Variants in AK6 observed in about 807,000 individuals in gnomAD.
AK6 encodes the protein adenylate kinase 6.
AK6 carries 24 observed loss-of-function variants against 23.7 expected under a neutral mutation model. The ratio of observed to expected loss-of-function variants is 1.01; its 90% confidence interval spans 0.73 to 1.43. The LOEUF (loss-of-function observed/expected upper bound fraction) is 1.43, where lower values mean the gene tolerates loss of function less well. AK6 is among the 40% of genes most tolerant of loss of function. The pLI, the probability that AK6 is intolerant of heterozygous loss-of-function variation, is 0.00. For synonymous variants in AK6, 73 were observed against 69.8 expected, an observed-to-expected ratio of 1.05 and a Z score of -0.23; for missense variants, 191 against 199.1, an observed-to-expected ratio of 0.96 and a Z score of 0.24.
In AK6 at chr5:69,352,159, C is replaced by T. The variant is rs770819608; in HGVS notation, c.421G>A (p.Val141Met). The T allele has an allele frequency of 1.4e-5, 22 of 1,613,780 alleles. No homozygotes were observed. The East Asian group carries it at 2.2e-4, about 16-fold the overall frequency. ...GGTTTATTACTGGGCAGCTGATGCA[C>T]GATTTCTTCCTTGTAGGATGCTGTG... ...EATASYKEEI[V>M]HQLPSNKPEE... is the part of the protein sequence containing the mutation. The change falls in exon 5 of 5, where the codon GTG (valine) becomes ATG (methionine). Residue 141 changes from valine to methionine, a missense_variant. Coordinates refer to ENST00000380822, the MANE Select transcript of AK6 (RefSeq NM_016283.5).
At chr5:69,353,346 G>A (rs1761998076) in intron 4 of AK6, among the ~76,000 whole-genome samples, 1 of 152,132 alleles carries the variant, frequency 6.6e-6, no homozygotes, top group African/African-American at 2.4e-5. Flanking sequence ...CACCCAGGCT[G>A]GAGTGCAGTG....
At chr5:69,354,744 A>G (rs1458118090) in intron 4 of AK6, among the ~76,000 whole-genome samples, 1 of 152,240 alleles carries the variant, frequency 6.6e-6, no homozygotes, top group African/African-American at 2.4e-5. Flanking sequence ...AGTAGTGTTC[A>G]GTCAATAAGC....
In AK6 at chr5:69,369,226, A is replaced by ACCCCCC. The variant is rs200123392; in HGVS notation, c.28+231_28+236dup. Reference sequence around the variant, plus strand: ...GAGCTGGATCTGCCGACCTCTCTCCACCCCCCCCCGCCCCCCCCCGGAGCC... The same window carrying ACCCCCC: ...GAGCTGGATCTGCCGACCTCTCTCCACCCCCCCCCCCCCCCGCCCCCCCCCGGAGCC... On this transcript the variant is annotated intron_variant, in intron 1 of 4. Coordinates refer to ENST00000380822, the MANE Select transcript of AK6 (RefSeq NM_016283.5). 3.8e-3 allele frequency: 469 copies of ACCCCCC among 124,522 alleles called. 40 individuals carry two copies. The highest frequency in any genetic ancestry group is 6.7e-3 in the South Asian group (42 of 6,238). 7.7% of individuals were successfully genotyped at this position (124,522 alleles called of 1,614,324 possible).
chr5:69,368,567 G>A (rs1022334807), intron 1 of AK6, among the ~76,000 whole-genome samples: 9 of 151,548 alleles, frequency 5.9e-5, no homozygotes, highest in Admixed American at 2.0e-4. Context: ...GTTATTTGTG[G>A]GGTGGTTAAT....
chr5:69,361,969 CTTTTTTTTTTT>C lies in AK6; in HGVS notation c.121+4523_121+4533del, dbSNP rs112797204. Among the ~76,000 whole-genome samples, 263 of 104,834 alleles carry C rather than the reference CTTTTTTTTTTT, an allele frequency of 2.5e-3. 1 individual carries two copies. The highest frequency in any genetic ancestry group is 5.6e-3 in the African/African-American group (164 of 29,094). 68.8% of individuals were successfully genotyped at this position (104,834 alleles called of 152,430 possible). A position where few individuals can be genotyped will look rare whatever the true frequency, so the allele number is the denominator to read the frequency against. ...GGCCAGTTTTCTTAAACTTGATTCC[CTTTTTTTTTTT>C]TTTTTTTTTTGCCTTGGTTTTGGGA... On this transcript the variant is annotated intron_variant, in intron 2 of 4. Coordinates refer to ENST00000380822, the MANE Select transcript of AK6 (RefSeq NM_016283.5).
chr5:69,366,447 A>C, intron 2 of AK6, 56 bp downstream of exon 2: 1 of 1,413,452 alleles, frequency 7.1e-7, no homozygotes, highest in Non-Finnish European at 9.9e-7. Flanking sequence ...CTAACACTCC[A>C]CTTACCAGAC....
chr5:69,359,352 C>G (rs1348671749), intron 2 of AK6, among the ~76,000 whole-genome samples: 1 of 152,088 alleles, frequency 6.6e-6, no homozygotes, highest in Non-Finnish European at 1.5e-5. Flanking sequence ...TCAAGCAATT[C>G]TCCCGCCTCA....
chr5:69,355,605 A>G, intron 4 of AK6, 44 bp downstream of exon 4: 9 of 1,528,010 alleles, frequency 5.9e-6, no homozygotes, highest in Non-Finnish European at 7.9e-6. Context: ...TCTGAATAAA[A>G]GTTAACATTA....
At chr5:69,360,889 T>C (rs1364749242) in intron 2 of AK6, among the ~76,000 whole-genome samples, 1 of 152,164 alleles carries the variant, frequency 6.6e-6, no homozygotes, top group Admixed American at 6.5e-5. Context: ...GTTAGAGATA[T>C]ATCAAGATTC....
intron 2 of AK6, chr5:69,365,457 T>A (rs764673032): frequency 2.0e-5 from 33 of 1,614,056 alleles, no homozygotes; most frequent in Non-Finnish European, 2.8e-5. Context: ...CCTTGCAATA[T>A]CTAATAAAAA....
In AK6 at chr5:69,369,466, T is replaced by C. The variant is rs544748486; in HGVS notation, c.25A>G (p.Thr9Ala). 3.7e-6 allele frequency: 6 copies of C among 1,610,850 alleles called. No homozygotes were observed. The highest frequency in any genetic ancestry group is 2.2e-5 in the East Asian group (1 of 44,764). MLLPNILL[T>A]GTPGVGKTTL... ...CCTCCCGGCCGCGCGCCCTGACCGG[T>C]GAGCAGGATGTTCGGAAGCAACATG... Residue 9 changes from threonine to alanine, a missense_variant, in exon 1 of 5, where the codon ACC (threonine) becomes GCC (alanine). Physicochemically the swap from Thr to Ala is moderately conservative, Grantham distance 58 (BLOSUM62 0). Coordinates refer to ENST00000380822, the MANE Select transcript of AK6 (RefSeq NM_016283.5).
At chr5:69,366,635 C>G in intron 1 of AK6, 40 bp from the exon 2 acceptor site, 1 of 1,387,750 alleles carries the variant, frequency 7.2e-7, no homozygotes, top group Non-Finnish European at 1.0e-6. Context: ...TTGTGAAATA[C>G]TACTTATCAC....
intron 1 of AK6, 53 bp from the exon 2 acceptor site, chr5:69,366,648 T>C: frequency 1.6e-6 from 2 of 1,265,830 alleles, no homozygotes; most frequent in Non-Finnish European, 2.3e-6. Flanking sequence ...CTTATCACAC[T>C]GCGGTCCACC....
Position 69,351,952 on chromosome 5 carries a change from G to T in AK6, c.*109C>A. On this transcript the variant is annotated 3_prime_UTR_variant, in exon 5 of 5. Transcript: ENST00000380822. ...GCATAAACCTATATACTATCCACCTGCTGGTTCTGCAACATGATTTTAATA... is the reference window on the plus strand; with the variant it reads ...GCATAAACCTATATACTATCCACCTTCTGGTTCTGCAACATGATTTTAATA... 1 of 900,592 alleles carries T rather than the reference G, an allele frequency of 1.1e-6. No homozygotes were observed. The highest frequency in any genetic ancestry group is 1.6e-6 in the Non-Finnish European group (1 of 607,646). 55.8% of individuals were successfully genotyped at this position (900,592 alleles called of 1,614,324 possible).
At chr5:69,355,616 T>C (rs1278584495) in intron 4 of AK6, 33 bp downstream of exon 4, 6 of 1,546,820 alleles carry the variant, frequency 3.9e-6, no homozygotes, top group Non-Finnish European at 4.4e-6. Flanking sequence ...GTTAACATTA[T>C]GCTTTAAGAA....
At chr5:69,367,339 C>T (rs2150741562) in intron 1 of AK6, among the ~76,000 whole-genome samples, 1 of 151,612 alleles carries the variant, frequency 6.6e-6, no homozygotes, top group East Asian at 2.0e-4. Flanking sequence ...AGTGAAACTA[C>T]ATCTCTATTA....
intron 1 of AK6, among the ~76,000 whole-genome samples, chr5:69,366,989 C>T (rs1762457931): frequency 6.6e-6 from 1 of 151,970 alleles, no homozygotes; most frequent in Admixed American, 6.5e-5. Context: ...AAACTCCTAA[C>T]CTCAGGTGAT....
At chr5:69,359,333 C>G (rs925519386) in intron 2 of AK6, among the ~76,000 whole-genome samples, 7 of 152,046 alleles carry the variant, frequency 4.6e-5, no homozygotes, top group Admixed American at 4.6e-4. Context: ...CAACCTCCGT[C>G]TCCTGGGTTC....
chr5:69,351,783 T>C lies in AK6; in HGVS notation c.*278A>G, dbSNP rs192499485. 3.5e-5 allele frequency: 10 copies of C among 287,554 alleles called. No homozygotes were observed. Among genetic ancestry groups the C allele is most frequent in the African/African-American group, 1.9e-4 (9 of 46,330 alleles). The allele number at this position is 287,554 out of a possible 1,614,324, so 17.8% of individuals were successfully genotyped here. Reference sequence around the variant, plus strand: ...ATCTGCATTTTTTTCTGTAATAAACTTAAAAGATATCCACCCATTTTGTCA... The same window carrying C: ...ATCTGCATTTTTTTCTGTAATAAACCTAAAAGATATCCACCCATTTTGTCA... On this transcript the variant is annotated 3_prime_UTR_variant, in exon 5 of 5. Coordinates refer to ENST00000380822, the MANE Select transcript of AK6 (RefSeq NM_016283.5).
Sources: allele counts gnomAD v4.1 joint callset (sites outside exome capture counted in the v4.1 genomes callset), GRCh38; gene constraint gnomAD v4.1.1; transcripts MANE v1.5; gene names NCBI Gene and HGNC (gene_info 2026-07-23, HGNC 2026-07-21).